The following ZNF280D variants were observed in gnomAD, a reference collection of about 807,000 sequenced individuals.
ZNF280D encodes the protein zinc finger protein 280D, also known as suppressor of hairy wing homolog 4.
ZNF280D carries 39 observed loss-of-function variants against 94.7 expected under a neutral mutation model. That is an observed-to-expected ratio of 0.41 (90% CI 0.32 to 0.54). The LOEUF is 0.54. Among genes scored for constraint, ZNF280D ranks in the 20% least tolerant of loss-of-function variants. The pLI is 0.22. For synonymous variants in ZNF280D, 398 were observed against 377.6 expected, an observed-to-expected ratio of 1.05 and a Z score of -0.63; for missense variants, 1,090 against 1,149.3, an observed-to-expected ratio of 0.95 and a Z score of 0.75.
At chr15:56,636,021 T>G (rs1417904126) in intron 20 of ZNF280D, among the ~76,000 whole-genome samples, 1 of 152,184 alleles carries the variant, frequency 6.6e-6, no homozygotes, top group Non-Finnish European at 1.5e-5. Context: ...TATCTACCTC[T>G]TAACCACTAT....
intron 12 of ZNF280D, 141 bp from the exon 13 acceptor site, chr15:56,676,957 A>C: frequency 6.6e-6 from 4 of 605,940 alleles, no homozygotes; most frequent in Non-Finnish European, 8.4e-6. Context: ...CAAGAATCTC[A>C]CTAAGGCAAC....
chr15:56,664,835 A>G (rs1490292751), intron 16 of ZNF280D, among the ~76,000 whole-genome samples: 1 of 152,214 alleles, frequency 6.6e-6, no homozygotes, highest in African/African-American at 2.4e-5. Context: ...CCTTTATGCC[A>G]GTGAGCATGA....
chr15:56,684,571 G>A (rs1176875906), intron 9 of ZNF280D, among the ~76,000 whole-genome samples: 1 of 151,840 alleles, frequency 6.6e-6, no homozygotes, highest in Non-Finnish European at 1.5e-5. Context: ...GACAAATTAG[G>A]AAGGAATACA....
intron 10 of ZNF280D, among the ~76,000 whole-genome samples, chr15:56,680,502 C>T (rs1416468017): frequency 6.6e-6 from 1 of 151,916 alleles, no homozygotes; most frequent in Non-Finnish European, 1.5e-5. Context: ...ATTTTGAGAC[C>T]ATCTCGTTCT....
intron 10 of ZNF280D, 52 bp from the exon 11 acceptor site, chr15:56,678,873 A>C: frequency 7.0e-7 from 1 of 1,422,826 alleles, no homozygotes; most frequent in Non-Finnish European, 9.3e-7. Flanking sequence ...AACAAAAAGG[A>C]AATCTCACAA....
At chr15:56,640,047 A>T (rs1417326671) in intron 20 of ZNF280D, among the ~76,000 whole-genome samples, 2 of 152,148 alleles carry the variant, frequency 1.3e-5, no homozygotes, top group African/African-American at 4.8e-5. Flanking sequence ...AAAATACAGC[A>T]TTAGGTGCAC....
intron 19 of ZNF280D, among the ~76,000 whole-genome samples, chr15:56,652,128 A>T (rs1264723521): frequency 1.3e-5 from 2 of 152,130 alleles, no homozygotes; most frequent in African/African-American, 4.8e-5. Context: ...TTTCACTTAA[A>T]ATATAAATTA....
intron 10 of ZNF280D, among the ~76,000 whole-genome samples, chr15:56,680,985 C>T (rs1406629917): frequency 2.0e-5 from 3 of 152,154 alleles, no homozygotes; most frequent in African/African-American, 4.8e-5. Flanking sequence ...ACTGTTTCAA[C>T]GTTTTATCTC....
chr15:56,715,428 T>C (rs1008153912), intron 1 of ZNF280D, among the ~76,000 whole-genome samples: 2 of 152,066 alleles, frequency 1.3e-5, no homozygotes, highest in Non-Finnish European at 2.9e-5. Flanking sequence ...TGATAGTGAT[T>C]GAAGATAGAG....
intron 1 of ZNF280D, among the ~76,000 whole-genome samples, chr15:56,731,814 T>A (rs1167187876): frequency 6.6e-6 from 1 of 152,208 alleles, no homozygotes; most frequent in Non-Finnish European, 1.5e-5. Context: ...TCAAATGGGC[T>A]ATTTAACTTT....
At chr15:56,725,482 T>C (rs551648019) in intron 1 of ZNF280D, among the ~76,000 whole-genome samples, 68 of 152,352 alleles carry the variant, frequency 4.5e-4, no homozygotes, top group African/African-American at 1.5e-3. Context: ...TTTTACATTT[T>C]TGCTACATTT....
intron 19 of ZNF280D, 67 bp downstream of exon 19, chr15:56,654,131 A>T: frequency 6.4e-7 from 1 of 1,565,166 alleles, no homozygotes; most frequent in Middle Eastern, 1.7e-4. Context: ...TATTAATGAT[A>T]CATTTAAAAA....
intron 16 of ZNF280D, among the ~76,000 whole-genome samples, chr15:56,662,655 T>C (rs1338074192): frequency 6.6e-6 from 1 of 151,706 alleles, no homozygotes; most frequent in East Asian, 1.9e-4. Context: ...TGAAAGCCCA[T>C]CTCTACTAAA....
intron 1 of ZNF280D, chr15:56,724,942 T>C (rs1381085289): frequency 2.2e-6 from 1 of 450,668 alleles, no homozygotes. Flanking sequence ...AAGGCCTTTC[T>C]AGCAGCAGTC....
intron 16 of ZNF280D, among the ~76,000 whole-genome samples, chr15:56,661,676 C>A (rs1300529003): frequency 6.6e-6 from 1 of 152,096 alleles, no homozygotes; most frequent in African/African-American, 2.4e-5. Context: ...TTCATCTTTA[C>A]CTCCTCCGTA....
chr15:56,695,203 G>T (rs769809352), intron 6 of ZNF280D, among the ~76,000 whole-genome samples: 1 of 152,002 alleles, frequency 6.6e-6, no homozygotes, highest in Non-Finnish European at 1.5e-5. Context: ...CTCCTGAGTA[G>T]CTGGGACTAC....
chr15:56,724,964 A>G (rs763673747), intron 1 of ZNF280D: 7 of 423,774 alleles, frequency 1.7e-5, no homozygotes, highest in South Asian at 5.1e-5. Flanking sequence ...GCAATCCTGT[A>G]TAGCTGAGAG....
At chr15:56,687,310 T>C (rs569712982) in intron 9 of ZNF280D, among the ~76,000 whole-genome samples, 75 of 152,278 alleles carry the variant, frequency 4.9e-4, no homozygotes, top group African/African-American at 1.7e-3. Flanking sequence ...TCTATGAAGT[T>C]CTGGTTGTTT....
rs2140482551 is a variant in ZNF280D at position 56,631,641 on chromosome 15, CTG to C, written c.2795_2796del (p.Thr932ArgfsTer7). 6.2e-7 allele frequency: 1 copy of C among 1,614,170 alleles called. No individual in the cohort carries two copies. Among genetic ancestry groups the C allele is most frequent in the East Asian group, 2.2e-5 (1 of 44,886 alleles). Reference protein sequence around the residue: ...TPSEVLEYEATEILQKGSGDP... With the variant: ...TPSEVLEYEAXEILQKGSGDP... ...TCACCACTACCTTTCTGAAGAATCT[CTG>C]TGGCTTCATACTCAAGTACCTCGGA... On this transcript the variant is annotated frameshift_variant, in exon 22 of 22. Transcript: ENST00000267807. LOFTEE classifies it low-confidence loss of function (END_TRUNC).
Sources: allele counts gnomAD v4.1 joint callset (sites outside exome capture counted in the v4.1 genomes callset), GRCh38; gene constraint gnomAD v4.1.1; transcripts MANE v1.5; gene names NCBI Gene and HGNC (gene_info 2026-07-23, HGNC 2026-07-21).